The following IL17RB variants were observed in gnomAD, a reference collection of about 807,000 sequenced individuals.
The protein encoded by IL17RB is interleukin-17 receptor B.
A neutral mutation model predicts 43.9 loss-of-function variants in IL17RB; 36 were observed. The observed-to-expected ratio is 0.82, with a 90% confidence interval of 0.63 to 1.08. IL17RB has a LOEUF of 1.08. IL17RB is among the 50% of genes least tolerant of loss of function. IL17RB has a pLI of 0.00. For synonymous variants in IL17RB, 225 were observed against 225.4 expected (o/e 1.00, Z 0.02); for missense variants, 613 against 613.6 (o/e 1.00, Z 0.01).
At position 53,852,134 on chromosome 3, in the gene IL17RB, C is replaced by G. The variant is rs937951957; in HGVS notation, c.354+8C>G. 5 of 1,613,578 alleles carry G rather than the reference C, an allele frequency of 3.1e-6. No homozygotes were observed. Among genetic ancestry groups the G allele is most frequent in the Admixed American group, 1.7e-5 (1 of 59,954 alleles). On this transcript the variant is annotated splice_region_variant and intron_variant, in intron 4 of 10. Coordinates refer to ENST00000288167, the MANE Select transcript of IL17RB (RefSeq NM_018725.4). ...AGACCCTCTGGTGGTAAAGTAAGCA[C>G]TTTTTTGTTTTTTGTTTTGTTTTTT...
intron 10 of IL17RB, among the ~76,000 whole-genome samples, chr3:53,862,710 C>T (rs1351314614): frequency 6.6e-6 from 1 of 152,180 alleles, no homozygotes; most frequent in Non-Finnish European, 1.5e-5. Flanking sequence ...AACAAATCGA[C>T]ATTAAACAAT....
chr3:53,855,211 C>A, intron 5 of IL17RB, 83 bp from the exon 6 acceptor site: 1 of 762,888 alleles, frequency 1.3e-6, no homozygotes, highest in Non-Finnish European at 2.3e-6. Context: ...GTGTGGTATG[C>A]GTATGTGTGT....
intron 9 of IL17RB, 156 bp downstream of exon 9, chr3:53,858,974 G>A: frequency 1.8e-6 from 1 of 543,986 alleles, no homozygotes; most frequent in Non-Finnish European, 3.3e-6. Context: ...CAACAGTGCT[G>A]TCCCAGAGAA....
At chr3:53,855,163 C>A in intron 5 of IL17RB, 131 bp from the exon 6 acceptor site, 1 of 423,834 alleles carries the variant, frequency 2.4e-6, no homozygotes, top group Non-Finnish European at 4.4e-6. Flanking sequence ...TTTGAATTTG[C>A]CATCTTACAT....
chr3:53,861,609 C>G (rs1396178489), intron 10 of IL17RB: 1 of 152,132 alleles, frequency 6.6e-6, no homozygotes, highest in Non-Finnish European at 1.5e-5. Flanking sequence ...TATATGACAA[C>G]TTAAAGCAAA....
intron 6 of IL17RB, 101 bp from the exon 7 acceptor site, chr3:53,856,743 T>C: frequency 8.7e-7 from 1 of 1,148,780 alleles, no homozygotes; most frequent in Non-Finnish European, 1.3e-6. Context: ...TCTTGGACAT[T>C]GTTCCTGAGA....
In IL17RB at chr3:53,854,043, T is replaced by C. The variant is rs190697700; in HGVS notation, c.481+1046T>C. ...TCCCAAGAAGCTAGGATTACAGTCA[T>C]GAGCCACCACACCCAGCTAATTTTT... On this transcript the variant is annotated intron_variant, in intron 5 of 10. Transcript: ENST00000288167. 2.6e-3 allele frequency among the ~76,000 whole-genome samples: 400 copies of C among 152,166 alleles called. 3 individuals are homozygous for C. Among genetic ancestry groups the C allele is most frequent in the African/African-American group, 9.0e-3 (372 of 41,530 alleles).
intron 3 of IL17RB, among the ~76,000 whole-genome samples, chr3:53,850,439 G>A (rs531388791): frequency 6.6e-6 from 1 of 151,338 alleles, no homozygotes. Flanking sequence ...GGAGCTTGCA[G>A]TGAGCTGTGA....
chr3:53,858,401 G>A, intron 8 of IL17RB: 2 of 1,119,944 alleles, frequency 1.8e-6, no homozygotes, highest in Non-Finnish European at 2.2e-6. Flanking sequence ...GATCACTGCT[G>A]CTCCTTTTTT....
At chr3:53,854,236 A>G (rs1299128950) in intron 5 of IL17RB, among the ~76,000 whole-genome samples, 3 of 152,188 alleles carry the variant, frequency 2.0e-5, no homozygotes, top group Non-Finnish European at 4.4e-5. Flanking sequence ...AAAGTTGCAA[A>G]GATAGTACAG....
chr3:53,864,723 C>G (rs1291343058), intron 10 of IL17RB, 23 bp from the exon 11 acceptor site: 1 of 1,546,648 alleles, frequency 6.5e-7, no homozygotes, highest in Middle Eastern at 1.7e-4. Context: ...TCACAGATAA[C>G]AAATGCTTTT....
rs183387100 is a variant in IL17RB, at chr3:53,862,910, G to A, written c.947-1836G>A. Among the ~76,000 whole-genome samples the A allele has an allele frequency of 2.6e-4, 39 of 152,098 alleles. No individual in the cohort carries two copies. The Middle Eastern group carries it at 0.014, about 53-fold the overall frequency. On this transcript the variant is annotated intron_variant, in intron 10 of 10. Coordinates refer to ENST00000288167, the MANE Select transcript of IL17RB (RefSeq NM_018725.4). ...TCTTTCTGTAAAGTTACACTGAGGC[G>A]CCCACCTCTCCTGCCTCCTCTTCCA...
intron 9 of IL17RB, chr3:53,859,821 A>AGCTTCT (rs1309113457): frequency 9.6e-6 from 2 of 207,932 alleles, no homozygotes. Flanking sequence ...CTCTCTAAAG[A>AGCTTCT]GCTTCTGACT....
intron 10 of IL17RB, among the ~76,000 whole-genome samples, 171 bp from the exon 11 acceptor site, chr3:53,864,574 CA>C (rs1443832100): frequency 6.6e-6 from 1 of 152,080 alleles, no homozygotes; most frequent in Non-Finnish European, 1.5e-5. Flanking sequence ...CAGTGTGTTT[CA>C]GGTGATGTGT....
At chr3:53,848,469 C>T (rs1282456427) in intron 1 of IL17RB, among the ~76,000 whole-genome samples, 195 bp from the exon 2 acceptor site, 1 of 152,232 alleles carries the variant, frequency 6.6e-6, no homozygotes, top group African/African-American at 2.4e-5. Flanking sequence ...ATGGCTAATC[C>T]ATGGTCCGTC....
intron 4 of IL17RB, among the ~76,000 whole-genome samples, chr3:53,852,495 C>G (rs1007474143): frequency 6.6e-6 from 1 of 152,128 alleles, no homozygotes; most frequent in African/African-American, 2.4e-5. Context: ...GTTTGGGGAG[C>G]ATGGATGATG....
At position 53,856,859 on chromosome 3, in the gene IL17RB, C is replaced by A. The variant is rs774051801; in HGVS notation, c.545C>A (p.Pro182Gln). The change falls in exon 7 of 11, where the codon CCG becomes CAG. Residue 182 changes from proline (P) to glutamine (Q), a missense_variant. Physicochemically the swap from Pro to Gln is moderately conservative, Grantham distance 76 (BLOSUM62 -1). Transcript: ENST00000288167. ...KCVKAGSLWD[P>Q]NITACKKNEE... ...CAACTCACAGGAAGCCTGTGGGATC[C>A]GAACATCACTGCTTGTAAGAAGAAT... 5 of 1,614,074 alleles carry A rather than the reference C, an allele frequency of 3.1e-6. No individual in the cohort carries two copies. The highest frequency in any genetic ancestry group is 1.7e-5 in the Admixed American group (1 of 60,022).
At chr3:53,856,050 C>G (rs1485379274) in intron 6 of IL17RB, among the ~76,000 whole-genome samples, 1 of 152,212 alleles carries the variant, frequency 6.6e-6, no homozygotes. Context: ...CCCTTTCAGA[C>G]AGCCGTCCAT....
chr3:53,864,380 C>T (rs549552260), intron 10 of IL17RB, among the ~76,000 whole-genome samples: 2 of 152,132 alleles, frequency 1.3e-5, no homozygotes, highest in South Asian at 4.1e-4. Flanking sequence ...ACTAAAAGTA[C>T]AAAAATTAGC....
Sources: gnomAD v4.1 joint callset for allele counts (sites outside exome capture counted in the v4.1 genomes callset) on GRCh38, gnomAD v4.1.1 for gene constraint, MANE v1.5 for transcripts, NCBI Gene and HGNC (gene_info 2026-07-23, HGNC 2026-07-21) for gene names.